The following FBXL17 variants were observed in gnomAD, a reference collection of about 807,000 sequenced individuals.
FBXL17 encodes F-box/LRR-repeat protein 17.
Under a neutral mutation model 66.2 loss-of-function variants are expected in FBXL17, and 22 were observed. That is an observed-to-expected ratio of 0.33 (90% CI 0.24 to 0.47). The LOEUF (loss-of-function observed/expected upper bound fraction) is 0.47, where lower values mean the gene tolerates loss of function less well. Among genes scored for constraint, FBXL17 ranks in the 20% least tolerant of loss-of-function variants. The probability of loss-of-function intolerance (pLI) is 1.00; values close to 1 mark genes in which losing one functional copy is unlikely to be tolerated. For missense variants in FBXL17, 878 were observed against 948.2 expected, an observed-to-expected ratio of 0.93 and a Z score of 0.97; for synonymous variants, 474 against 400.5, an observed-to-expected ratio of 1.18 and a Z score of -2.19.
At chr5:108,116,727 TTTTCAAAAGAAATTATGTGCACATAA>T (rs551717036) in intron 6 of FBXL17, among the ~76,000 whole-genome samples, 29 of 125,100 alleles carry the variant, frequency 2.3e-4, no homozygotes, top group Non-Finnish European at 3.8e-4. Flanking sequence ...AATAATACCG[TTTTCAAAAGAAATTATGTGCACATAA>T]TTTCTTATCA....
intron 6 of FBXL17, among the ~76,000 whole-genome samples, chr5:108,054,850 T>C (rs1747624443): frequency 6.6e-6 from 1 of 152,146 alleles, no homozygotes; most frequent in Admixed American, 6.5e-5. Context: ...ATGTTGTTCG[T>C]CAGGTCCCAA....
chr5:108,123,828 T>C (rs12652687), intron 6 of FBXL17, among the ~76,000 whole-genome samples: 19,414 of 152,166 alleles, frequency 0.13, 1,401 homozygotes, highest in Admixed American at 0.16. Flanking sequence ...CATTCCTAAA[T>C]GATCCGTCAA....
chr5:108,130,497 T>C lies in FBXL17; in HGVS notation c.1745+55620A>G, dbSNP rs187775411. Among the ~76,000 whole-genome samples, 850 of 152,066 alleles carry C rather than the reference T, an allele frequency of 5.6e-3. 10 individuals carry two copies. The highest frequency in any genetic ancestry group is 0.019 in the African/African-American group (792 of 41,536). ...TTATATACAATTCAGTTTAAATGAA[T>C]AAAGAAAACGAAAAGTATCTTTTCA... On this transcript the variant is annotated intron_variant, in intron 6 of 8. Transcript: ENST00000542267.
At chr5:108,256,623 A>G (rs1422945218) in intron 4 of FBXL17, among the ~76,000 whole-genome samples, 1 of 152,106 alleles carries the variant, frequency 6.6e-6, no homozygotes, top group East Asian at 1.9e-4. Context: ...AAATATGAAA[A>G]TAAGGATGAA....
At position 107,872,136 on chromosome 5, in the gene FBXL17, G is replaced by A. The variant is rs149262257; in HGVS notation, c.1965+8901C>T. 6.2e-3 allele frequency among the ~76,000 whole-genome samples: 948 copies of A among 152,282 alleles called. 12 individuals carry two copies. The highest frequency in any genetic ancestry group is 0.021 in the African/African-American group (865 of 41,560). On this transcript the variant is annotated intron_variant, in intron 8 of 8. Transcript: ENST00000542267. ...CTGCATTAATGTGATCGGTAAATCC[G>A]TAGATTCAAAAACCTGAAAATAGGT... is the stretch of plus-strand genomic sequence containing the variant.
chr5:108,097,176 TCA>T (rs1187872537), intron 6 of FBXL17, among the ~76,000 whole-genome samples: 1 of 152,026 alleles, frequency 6.6e-6, no homozygotes, highest in Non-Finnish European at 1.5e-5. Flanking sequence ...ACCTGTGTGT[TCA>T]CACTCTCTCT....
chr5:107,976,088 A>G (rs972418967), intron 7 of FBXL17, among the ~76,000 whole-genome samples: 5 of 152,044 alleles, frequency 3.3e-5, no homozygotes, highest in African/African-American at 9.7e-5. Flanking sequence ...AGATCTCCTG[A>G]CCTCATAATC....
intron 4 of FBXL17, among the ~76,000 whole-genome samples, chr5:108,237,767 T>C (rs1435639770): frequency 6.6e-6 from 1 of 152,136 alleles, no homozygotes; most frequent in Non-Finnish European, 1.5e-5. Flanking sequence ...ACCCAGAAGA[T>C]GATAACATAT....
chr5:108,380,578 G>A (rs558119703), intron 1 of FBXL17, 121 bp downstream of exon 1: 4 of 544,576 alleles, frequency 7.3e-6, no homozygotes, highest in Non-Finnish European at 8.5e-6. Flanking sequence ...CCCTTGGGAC[G>A]TCCCTAGGCT....
chr5:108,286,230 A>G (rs1440804877), intron 4 of FBXL17, among the ~76,000 whole-genome samples: 1 of 152,040 alleles, frequency 6.6e-6, no homozygotes, highest in Non-Finnish European at 1.5e-5. Context: ...GAAAACCAGA[A>G]CAAGAACAGG....
intron 8 of FBXL17, chr5:107,879,845 T>C (rs1580675695): frequency 2.0e-6 from 2 of 985,434 alleles, no homozygotes; most frequent in East Asian, 1.1e-4. Flanking sequence ...GCAGTCCCCG[T>C]GGCCACAGAC....
intron 6 of FBXL17, among the ~76,000 whole-genome samples, chr5:108,057,858 T>C (rs1352430974): frequency 2.0e-5 from 3 of 152,234 alleles, no homozygotes; most frequent in Non-Finnish European, 4.4e-5. Flanking sequence ...TGTGATTAAC[T>C]GGCACATTTT....
chr5:107,890,971 G>A (rs1308053635), intron 7 of FBXL17, among the ~76,000 whole-genome samples: 1 of 152,106 alleles, frequency 6.6e-6, no homozygotes, highest in African/African-American at 2.4e-5. Context: ...TGGTCTTGTG[G>A]AGCTTGTATT....
intron 4 of FBXL17, among the ~76,000 whole-genome samples, chr5:108,229,114 A>G (rs1275163532): frequency 6.6e-6 from 1 of 152,150 alleles, no homozygotes; most frequent in Non-Finnish European, 1.5e-5. Flanking sequence ...TTTTCACAAA[A>G]TTAATTCTAC....
chr5:108,218,269 A>G (rs1426263926), intron 5 of FBXL17, among the ~76,000 whole-genome samples: 1 of 151,820 alleles, frequency 6.6e-6, no homozygotes, highest in East Asian at 1.9e-4. Flanking sequence ...CGGCCTCCCA[A>G]AGTGCTGAGA....
At chr5:108,316,194 T>C (rs1370629454) in intron 4 of FBXL17, among the ~76,000 whole-genome samples, 1 of 151,442 alleles carries the variant, frequency 6.6e-6, no homozygotes, top group East Asian at 1.9e-4. Context: ...CATGCTTGCT[T>C]GCATGACCCT....
chr5:108,100,660 A>G (rs1218389375), intron 6 of FBXL17, among the ~76,000 whole-genome samples: 2 of 152,184 alleles, frequency 1.3e-5, no homozygotes, highest in Non-Finnish European at 2.9e-5. Context: ...TACAATATCA[A>G]CAGCATATGT....
chr5:108,343,959 GCTTTACCT>G (rs1554090909), intron 4 of FBXL17, among the ~76,000 whole-genome samples: 1 of 152,086 alleles, frequency 6.6e-6, no homozygotes, highest in Non-Finnish European at 1.5e-5. Context: ...CTCATTTGGC[GCTTTACCT>G]CTTAATCTCA....
intron 6 of FBXL17, among the ~76,000 whole-genome samples, chr5:108,178,610 C>T (rs1370821723): frequency 6.6e-6 from 1 of 152,118 alleles, no homozygotes; most frequent in South Asian, 2.1e-4. Flanking sequence ...CAAAACTATT[C>T]AGTGGATTGC....
Sources: gnomAD v4.1 joint callset for allele counts (sites outside exome capture counted in the v4.1 genomes callset) on GRCh38, gnomAD v4.1.1 for gene constraint, MANE v1.5 for transcripts, NCBI Gene and HGNC (gene_info 2026-07-23, HGNC 2026-07-21) for gene names.